The following DLG2 variants were observed in gnomAD, a reference collection of about 807,000 sequenced individuals.
DLG2 encodes the protein disks large homolog 2.
DLG2 carries 45 observed loss-of-function variants against 132.5 expected under a neutral mutation model. The ratio of observed to expected loss-of-function variants is 0.34; its 90% CI spans 0.27 to 0.44. The LOEUF (loss-of-function observed/expected upper bound fraction) is 0.44. Ranked by LOEUF, DLG2 falls within the 20% of genes least tolerant of loss-of-function variation. The pLI is 1.00. For missense variants in DLG2, 1,045 were observed against 1,196.9 expected (o/e 0.87, Z 1.87); for synonymous variants, 424 against 419.6 (o/e 1.01, Z -0.13).
At chr11:83,581,415 T>A (rs1212015222) in intron 19 of DLG2, among the ~76,000 whole-genome samples, 1 of 152,142 alleles carries the variant, frequency 6.6e-6, no homozygotes, top group Admixed American at 6.5e-5. Flanking sequence ...AATAATTCTA[T>A]AAGCAAGATG....
chr11:83,841,927 A>C (rs2057627444), intron 16 of DLG2, among the ~76,000 whole-genome samples: 1 of 152,238 alleles, frequency 6.6e-6, no homozygotes, highest in Admixed American at 6.5e-5. Context: ...GAAGTGGACA[A>C]GTGCTATGAC....
At chr11:85,285,425 T>C (rs762518355) in intron 3 of DLG2, 60 bp from the exon 4 acceptor site, 3 of 1,520,178 alleles carry the variant, frequency 2.0e-6, no homozygotes, top group Non-Finnish European at 2.7e-6. Flanking sequence ...AAATAGCTTC[T>C]GCATATATGT....
chr11:84,264,683 C>A (rs1025750780), intron 7 of DLG2, among the ~76,000 whole-genome samples: 1 of 152,078 alleles, frequency 6.6e-6, no homozygotes, highest in Admixed American at 6.6e-5. Flanking sequence ...TACTCTGGAA[C>A]CTTCATTTGT....
intron 3 of DLG2, among the ~76,000 whole-genome samples, chr11:85,358,240 T>C (rs2083892170): frequency 6.6e-6 from 1 of 152,176 alleles, no homozygotes; most frequent in Non-Finnish European, 1.5e-5. Flanking sequence ...AAGTAGATAC[T>C]GGGATTTTTC....
At chr11:84,639,091 A>G (rs547286893) in intron 6 of DLG2, among the ~76,000 whole-genome samples, 9 of 152,290 alleles carry the variant, frequency 5.9e-5, no homozygotes, top group Non-Finnish European at 1.2e-4. Flanking sequence ...TAGTTATTTT[A>G]TCAAGTATGT....
chr11:85,479,463 T>C (rs1245265891), intron 3 of DLG2, among the ~76,000 whole-genome samples: 2 of 152,248 alleles, frequency 1.3e-5, no homozygotes, highest in Non-Finnish European at 2.9e-5. Flanking sequence ...AGTTTCAACA[T>C]GTGAATTTTG....
At chr11:84,203,977 G>T (rs564221877) in intron 8 of DLG2, among the ~76,000 whole-genome samples, 5 of 152,202 alleles carry the variant, frequency 3.3e-5, no homozygotes, top group African/African-American at 1.2e-4. Flanking sequence ...TTATTTTTGA[G>T]ACGGAGTTTT....
chr11:84,618,054 A>C (rs1360037367), intron 6 of DLG2, among the ~76,000 whole-genome samples: 1 of 152,132 alleles, frequency 6.6e-6, no homozygotes, highest in Non-Finnish European at 1.5e-5. Flanking sequence ...CTGAAACTTA[A>C]ACGCTGAAGT....
intron 7 of DLG2, among the ~76,000 whole-genome samples, chr11:84,389,774 C>A (rs1230836747): frequency 6.6e-6 from 1 of 152,120 alleles, no homozygotes; most frequent in African/African-American, 2.4e-5. Flanking sequence ...AATTCTATTT[C>A]ATAATTCCTA....
chr11:83,806,646 G>A (rs371972307), intron 17 of DLG2, among the ~76,000 whole-genome samples: 1 of 152,120 alleles, frequency 6.6e-6, no homozygotes, highest in Non-Finnish European at 1.5e-5. Flanking sequence ...ACTGTTTCAG[G>A]CTTCTTGTTT....
intron 6 of DLG2, among the ~76,000 whole-genome samples, chr11:85,017,817 T>G (rs2059696865): frequency 6.6e-6 from 1 of 152,124 alleles, no homozygotes; most frequent in Non-Finnish European, 1.5e-5. Flanking sequence ...TTACCCTTCC[T>G]TCTCTCTCTC....
intron 6 of DLG2, among the ~76,000 whole-genome samples, chr11:84,924,247 G>A (rs1216382878): frequency 1.3e-5 from 2 of 152,070 alleles, no homozygotes; most frequent in African/African-American, 2.4e-5. Flanking sequence ...CCAGCCTTGG[G>A]AAGCCGATTC....
chr11:83,984,675 A>T (rs1266165447), intron 11 of DLG2, among the ~76,000 whole-genome samples: 3 of 152,122 alleles, frequency 2.0e-5, no homozygotes, highest in African/African-American at 7.2e-5. Flanking sequence ...GTAAATGTAA[A>T]GAATTTTTTT....
chr11:84,167,032 G>A (rs1869472), intron 8 of DLG2: 454,237 of 532,732 alleles, frequency 0.85, 195,148 homozygotes, highest in Middle Eastern at 0.91. Flanking sequence ...TTCCAGTTCT[G>A]GCCCTAACTG....
intron 7 of DLG2, among the ~76,000 whole-genome samples, chr11:84,385,481 C>T (rs2098766129): frequency 1.3e-5 from 2 of 152,096 alleles, no homozygotes; most frequent in Admixed American, 1.3e-4. Context: ...TGAATTGAAA[C>T]ATACTACAAG....
chr11:83,616,327 G>T (rs1420730513), intron 19 of DLG2, among the ~76,000 whole-genome samples: 1 of 152,044 alleles, frequency 6.6e-6, no homozygotes, highest in African/African-American at 2.4e-5. Flanking sequence ...CAATGTGGTG[G>T]TTTACTTCCC....
Position 84,419,687 on chromosome 11 carries a change from G to A in DLG2, c.519+114883C>T, listed in dbSNP as rs143641236. 2.7e-3 allele frequency among the ~76,000 whole-genome samples: 413 copies of A among 152,238 alleles called. 4 individuals are homozygous for A. The highest frequency in any genetic ancestry group is 9.7e-3 in the African/African-American group (402 of 41,546). On this transcript the variant is annotated intron_variant, in intron 7 of 27. Transcript: ENST00000376104. ...CCCCAGACCAGTGCAGATTTGCAGG[G>A]AAGGCTCTGTGCCCCTTTAGTGCGA... is the stretch of plus-strand genomic sequence containing the variant.
intron 6 of DLG2, among the ~76,000 whole-genome samples, chr11:85,074,644 A>G (rs566782337): frequency 1.3e-4 from 20 of 151,996 alleles, no homozygotes; most frequent in Non-Finnish European, 2.7e-4. Context: ...CTTAAGGAAA[A>G]GAGAATCAAA....
intron 6 of DLG2, among the ~76,000 whole-genome samples, chr11:84,703,563 G>C (rs551184445): frequency 2.0e-5 from 3 of 151,444 alleles, no homozygotes; most frequent in African/African-American, 7.2e-5. Flanking sequence ...TAAAGCTCAA[G>C]TCCACAAAAT....
Sources: gnomAD v4.1 joint callset for allele counts (sites outside exome capture counted in the v4.1 genomes callset) on GRCh38, gnomAD v4.1.1 for gene constraint, MANE v1.5 for transcripts, NCBI Gene and HGNC (gene_info 2026-07-23, HGNC 2026-07-21) for gene names.